NR2F1-AS1: variants seen among roughly 807,000 people sequenced by gnomAD.
NR2F1-AS1 encodes the protein NR2F1 antisense RNA 1.
At chr5:93,535,365 T>G (rs1751818122) in intron 4 of NR2F1-AS1, among the ~76,000 whole-genome samples, 1 of 150,704 alleles carries the variant, frequency 6.6e-6, no homozygotes, top group Admixed American at 6.6e-5. Context: ...TATAAAAAAT[T>G]TAAAAGGGAA....
At chr5:93,568,520 G>A (rs1016228909) in intron 1 of NR2F1-AS1, among the ~76,000 whole-genome samples, 3 of 152,200 alleles carry the variant, frequency 2.0e-5, no homozygotes, top group African/African-American at 4.8e-5. Flanking sequence ...AATGTGAGAA[G>A]TCAGTAAAAG....
chr5:93,573,673 G>A (rs182981291), intron 1 of NR2F1-AS1, among the ~76,000 whole-genome samples: 32 of 152,348 alleles, frequency 2.1e-4, no homozygotes, highest in African/African-American at 6.5e-4. Context: ...CGCGACTAAA[G>A]AGGGGACTGG....
intron 4 of NR2F1-AS1, among the ~76,000 whole-genome samples, chr5:93,480,750 G>T (rs1750583070): frequency 6.6e-6 from 1 of 152,062 alleles, no homozygotes; most frequent in African/African-American, 2.4e-5. Flanking sequence ...ATAAAGGGAA[G>T]AATGCAGCTG....
At chr5:93,577,648 C>T (rs767888045) in intron 1 of NR2F1-AS1, among the ~76,000 whole-genome samples, 1 of 152,192 alleles carries the variant, frequency 6.6e-6, no homozygotes, top group African/African-American at 2.4e-5. Context: ...CTGTGTGAGA[C>T]CATTTTAAAT....
intron 2 of NR2F1-AS1, among the ~76,000 whole-genome samples, chr5:93,559,019 C>A (rs1284385030): frequency 6.6e-6 from 1 of 152,204 alleles, no homozygotes; most frequent in African/African-American, 2.4e-5. Flanking sequence ...TAACAAGAAT[C>A]AGTCTGTCCT....
chr5:93,581,158 T>C (rs1437756413), upstream of NR2F1-AS1: 2 of 152,230 alleles, frequency 1.3e-5, no homozygotes, highest in Non-Finnish European at 2.9e-5. Flanking sequence ...CAATACAGCG[T>C]GGCCATTTAC....
At chr5:93,463,345 C>A (rs990003726) in intron 4 of NR2F1-AS1, among the ~76,000 whole-genome samples, 1 of 152,226 alleles carries the variant, frequency 6.6e-6, no homozygotes, top group African/African-American at 2.4e-5. Context: ...GGTTTGGAAA[C>A]CTTCACCTAG....
intron 4 of NR2F1-AS1, chr5:93,542,083 G>A (rs1008362875): frequency 2.7e-5 from 4 of 147,836 alleles, no homozygotes; most frequent in Non-Finnish European, 5.9e-5. Flanking sequence ...AATGCCTTGC[G>A]CATCTCACCT....
chr5:93,439,025 C>T (rs142161417), intron 4 of NR2F1-AS1, among the ~76,000 whole-genome samples: 57 of 152,274 alleles, frequency 3.7e-4, no homozygotes, highest in African/African-American at 1.3e-3. Context: ...TAAATATATA[C>T]AATTTTTATT....
chr5:93,567,750 T>C (rs1386644052), intron 1 of NR2F1-AS1, among the ~76,000 whole-genome samples: 2 of 152,164 alleles, frequency 1.3e-5, no homozygotes, highest in Non-Finnish European at 2.9e-5. Flanking sequence ...AGAGGATAGA[T>C]TTCAGTTGAT....
chr5:93,541,432 G>T (rs1218812917), intron 4 of NR2F1-AS1, among the ~76,000 whole-genome samples: 1 of 152,130 alleles, frequency 6.6e-6, no homozygotes, highest in Non-Finnish European at 1.5e-5. Context: ...CCCTAATCCT[G>T]ATAGCTGTGG....
intron 4 of NR2F1-AS1, among the ~76,000 whole-genome samples, chr5:93,450,229 C>G (rs1306603120): frequency 6.6e-6 from 1 of 152,156 alleles, no homozygotes; most frequent in East Asian, 1.9e-4. Context: ...GATTTTAAGT[C>G]ATTTCTCAAA....
At chr5:93,504,767 A>G (rs1323871930) in intron 4 of NR2F1-AS1, among the ~76,000 whole-genome samples, 1 of 152,068 alleles carries the variant, frequency 6.6e-6, no homozygotes, top group Admixed American at 6.6e-5. Flanking sequence ...ATCAGCCCCC[A>G]TGATTCAATT....
intron 4 of NR2F1-AS1, among the ~76,000 whole-genome samples, chr5:93,450,748 A>G (rs943643691): frequency 1.3e-5 from 2 of 151,794 alleles, no homozygotes; most frequent in East Asian, 3.9e-4. Context: ...CAGAACTTGT[A>G]TGTCCAAAAT....
At chr5:93,427,001 A>G (rs544107412) in intron 4 of NR2F1-AS1, among the ~76,000 whole-genome samples, 1 of 152,306 alleles carries the variant, frequency 6.6e-6, no homozygotes, top group East Asian at 1.9e-4. Flanking sequence ...ATATGGAATC[A>G]CCATTTATAA....
chr5:93,553,379 A>ACCTGGCC (rs1752277671), intron 4 of NR2F1-AS1, among the ~76,000 whole-genome samples: 2 of 152,024 alleles, frequency 1.3e-5, no homozygotes, highest in African/African-American at 4.8e-5. Context: ...AAGCTACCAC[A>ACCTGGCC]CCTGGCCTAG....
chr5:93,573,536 C>A (rs1330852315), intron 1 of NR2F1-AS1, among the ~76,000 whole-genome samples: 1 of 152,218 alleles, frequency 6.6e-6, no homozygotes, highest in Non-Finnish European at 1.5e-5. Flanking sequence ...ATGGCCCTCA[C>A]TGCAGTGACA....
chr5:93,411,585 T>C (rs1748857383), intron 4 of NR2F1-AS1: 1 of 152,216 alleles, frequency 6.6e-6, no homozygotes, highest in African/African-American at 2.4e-5. Flanking sequence ...AGGTTAGCTT[T>C]TACTGATCAC....
chr5:93,423,287 A>G (rs1215259796), intron 4 of NR2F1-AS1: 1 of 152,196 alleles, frequency 6.6e-6, no homozygotes, highest in South Asian at 2.1e-4. Flanking sequence ...TTTAATAATA[A>G]TAAAAAAGGA....
Sources: allele counts gnomAD v4.1 joint callset (sites outside exome capture counted in the v4.1 genomes callset), GRCh38; gene constraint gnomAD v4.1.1; transcripts MANE v1.5; gene names NCBI Gene and HGNC (gene_info 2026-07-23, HGNC 2026-07-21).